Variants in AP2B1 observed in about 807,000 individuals in gnomAD.
The protein encoded by AP2B1 is AP-2 complex subunit beta.
A neutral mutation model predicts 102.0 loss-of-function variants in AP2B1; 23 were observed. The observed-to-expected ratio is 0.23, with a 90% CI of 0.16 to 0.32. The LOEUF (loss-of-function observed/expected upper bound fraction) is 0.32. Among genes scored for constraint, AP2B1 ranks in the 10% least tolerant of loss-of-function variants. The pLI is 1.00. For missense variants in AP2B1, 541 were observed against 1,157.4 expected (o/e 0.47, Z 7.73); for synonymous variants, 381 against 421.2 (o/e 0.90, Z 1.17).
intron 17 of AP2B1, among the ~76,000 whole-genome samples, chr17:35,680,152 C>G (rs952660118): frequency 2.6e-5 from 4 of 152,232 alleles, no homozygotes; most frequent in Admixed American, 2.6e-4. Flanking sequence ...AGGTGATCCA[C>G]CAGCCTCGGC....
intron 19 of AP2B1, among the ~76,000 whole-genome samples, chr17:35,709,664 C>G (rs1304741709): frequency 1.3e-5 from 2 of 152,172 alleles, no homozygotes; most frequent in African/African-American, 2.4e-5. Flanking sequence ...TCCAAATTTG[C>G]AGTGTAAATA....
At chr17:35,704,713 AAGG>A (rs1181225848) in intron 18 of AP2B1, among the ~76,000 whole-genome samples, 1 of 152,180 alleles carries the variant, frequency 6.6e-6, no homozygotes, top group African/African-American at 2.4e-5. Context: ...TGCTAAGCTT[AAGG>A]AGAAGAAAAT....
chr17:35,720,302 C>T (rs587681108), intron 21 of AP2B1, among the ~76,000 whole-genome samples: 46 of 151,992 alleles, frequency 3.0e-4, no homozygotes, highest in African/African-American at 1.0e-3. Context: ...TTAACCCATA[C>T]ATAAACTCCC....
intron 20 of AP2B1, among the ~76,000 whole-genome samples, chr17:35,716,431 G>A (rs1373096457): frequency 1.3e-5 from 2 of 152,114 alleles, no homozygotes; most frequent in African/African-American, 4.8e-5. Context: ...CCCTGAGTTG[G>A]TGACTATGAA....
intron 15 of AP2B1, 92 bp downstream of exon 15, chr17:35,670,990 T>C (rs1244284963): frequency 1.0e-5 from 13 of 1,306,012 alleles, no homozygotes; most frequent in African/African-American, 2.9e-5. Context: ...CCACTGCTGC[T>C]GTCTAGCACT....
chr17:35,596,879 G>C (rs1194953181), intron 2 of AP2B1: 2 of 695,696 alleles, frequency 2.9e-6, no homozygotes, highest in African/African-American at 3.5e-5. Context: ...GCCATATGCT[G>C]CTTCGTGATC....
intron 9 of AP2B1, among the ~76,000 whole-genome samples, chr17:35,635,394 T>C (rs766679830): frequency 6.6e-6 from 1 of 152,094 alleles, no homozygotes; most frequent in Non-Finnish European, 1.5e-5. Flanking sequence ...TTGTTTTGTT[T>C]TGTTTTTTGA....
chr17:35,626,864 G>C, intron 7 of AP2B1, 22 bp downstream of exon 7: 1 of 1,600,926 alleles, frequency 6.2e-7, no homozygotes, highest in South Asian at 1.1e-5. Context: ...GCGAAGTGTT[G>C]ATTAAAGTGT....
intron 18 of AP2B1, among the ~76,000 whole-genome samples, chr17:35,694,001 G>T (rs2076090580): frequency 6.6e-6 from 1 of 152,156 alleles, no homozygotes; most frequent in African/African-American, 2.4e-5. Flanking sequence ...CTAATCTGAG[G>T]ATGTATGCTT....
intron 18 of AP2B1, among the ~76,000 whole-genome samples, chr17:35,695,370 A>T (rs2076121590): frequency 6.6e-6 from 1 of 152,110 alleles, no homozygotes; most frequent in South Asian, 2.1e-4. Context: ...GTAGGAACAG[A>T]TGCAGTGTAT....
At chr17:35,614,438 C>T (rs1322378784) in intron 5 of AP2B1, among the ~76,000 whole-genome samples, 2 of 152,052 alleles carry the variant, frequency 1.3e-5, no homozygotes, top group African/African-American at 2.4e-5. Flanking sequence ...AGGCCTCCAG[C>T]CTCAGCCTCT....
intron 5 of AP2B1, among the ~76,000 whole-genome samples, chr17:35,619,244 A>G (rs975979276): frequency 2.0e-5 from 3 of 152,260 alleles, no homozygotes; most frequent in African/African-American, 7.2e-5. Context: ...TATGAGGATT[A>G]ATAGCACAAA....
intron 10 of AP2B1, among the ~76,000 whole-genome samples, chr17:35,636,749 A>G (rs544862284): frequency 1.3e-5 from 2 of 152,362 alleles, no homozygotes; most frequent in Non-Finnish European, 1.5e-5. Context: ...TAGGACATCT[A>G]TATATTCTAG....
At chr17:35,719,668 T>G (rs1555591803) in intron 21 of AP2B1, among the ~76,000 whole-genome samples, 1 of 152,196 alleles carries the variant, frequency 6.6e-6, no homozygotes, top group Non-Finnish European at 1.5e-5. Flanking sequence ...AACAAAAGTT[T>G]GGAAGTAATT....
intron 9 of AP2B1, among the ~76,000 whole-genome samples, chr17:35,633,614 T>C (rs2074525302): frequency 6.6e-6 from 1 of 152,174 alleles, no homozygotes; most frequent in African/African-American, 2.4e-5. Flanking sequence ...TTCCGTTTTA[T>C]CTTCTCCCTC....
chr17:35,705,247 G>A (rs2076317772), intron 18 of AP2B1, among the ~76,000 whole-genome samples: 1 of 152,126 alleles, frequency 6.6e-6, no homozygotes, highest in Non-Finnish European at 1.5e-5. Context: ...ATTTTGAAAA[G>A]CTAATGTAAA....
At chr17:35,703,415 A>G (rs757355947) in intron 18 of AP2B1, among the ~76,000 whole-genome samples, 29 of 152,170 alleles carry the variant, frequency 1.9e-4, no homozygotes, top group South Asian at 8.3e-4. Context: ...AATAGCAAAG[A>G]CATGGCATCA....
At chr17:35,711,137 A>G (rs1555587296) in intron 20 of AP2B1, among the ~76,000 whole-genome samples, 1 of 152,150 alleles carries the variant, frequency 6.6e-6, no homozygotes, top group Non-Finnish European at 1.5e-5. Context: ...AGGAGCCCTA[A>G]GTTATTTAGA....
chr17:35,657,373 G>T (rs534825420), intron 13 of AP2B1, among the ~76,000 whole-genome samples: 3 of 152,066 alleles, frequency 2.0e-5, no homozygotes, highest in African/African-American at 7.2e-5. Flanking sequence ...AACTGACAAG[G>T]TTTACATAAT....
Sources: allele counts gnomAD v4.1 joint callset (sites outside exome capture counted in the v4.1 genomes callset), GRCh38; gene constraint gnomAD v4.1.1; transcripts MANE v1.5; gene names NCBI Gene and HGNC (gene_info 2026-07-23, HGNC 2026-07-21).